SHROOM2: variants seen among roughly 807,000 people sequenced by gnomAD.
The protein encoded by SHROOM2 is shroom family member 2.
SHROOM2 carries 33 observed loss-of-function variants against 75.9 expected under a neutral mutation model. The ratio of observed to expected loss-of-function variants is 0.43; its 90% CI spans 0.33 to 0.58. SHROOM2 has a LOEUF of 0.58. SHROOM2 is among the 20% of genes least tolerant of loss of function. The probability of loss-of-function intolerance (pLI) is 0.04; values close to 1 mark genes in which losing one functional copy is unlikely to be tolerated. For synonymous variants in SHROOM2, 655 were observed against 663.6 expected (o/e 0.99, Z 0.20); for missense variants, 1,434 against 1,461.2 (o/e 0.98, Z 0.30).
intron 1 of SHROOM2, among the ~76,000 whole-genome samples, chrX:9,788,242 A>G (rs1569131518): frequency 9.3e-6 from 1 of 107,812 alleles, no homozygotes; most frequent in Non-Finnish European, 1.9e-5. Flanking sequence ...AAGCTACTGA[A>G]AAGTCACTGG....
chrX:9,867,031 G>A (rs948184386), intron 1 of SHROOM2, among the ~76,000 whole-genome samples: 2 of 110,629 alleles, frequency 1.8e-5, no homozygotes, highest in South Asian at 4.0e-4. Flanking sequence ...TCTTTTCAGC[G>A]TGAGCCTGCT....
At chrX:9,828,349 A>G (rs1471683182) in intron 1 of SHROOM2, among the ~76,000 whole-genome samples, 1 of 112,342 alleles carries the variant, frequency 8.9e-6, no homozygotes. Context: ...GAACCATATC[A>G]AGGGCCTTCT....
intron 1 of SHROOM2, among the ~76,000 whole-genome samples, chrX:9,794,431 G>A (rs2083683755): frequency 9.0e-6 from 1 of 111,023 alleles, no homozygotes; most frequent in Admixed American, 9.6e-5. Context: ...GTGCAATGGC[G>A]AGATCTCGGC....
At chrX:9,889,742 T>C (rs767409770) in intron 2 of SHROOM2, among the ~76,000 whole-genome samples, 3 of 111,939 alleles carry the variant, frequency 2.7e-5, no homozygotes, top group African/African-American at 6.5e-5. Context: ...CATGACTCCC[T>C]GGGGGGATCT....
intron 2 of SHROOM2, among the ~76,000 whole-genome samples, chrX:9,884,368 C>CTTCTTT (rs1372366663): frequency 1.9e-3 from 121 of 62,153 alleles, no homozygotes; most frequent in African/African-American, 3.9e-3. Context: ...TTTTTCTTTT[C>CTTCTTT]TTTTTTTTTT....
chrX:9,829,849 T>G (rs781370257), intron 1 of SHROOM2, among the ~76,000 whole-genome samples: 2 of 112,235 alleles, frequency 1.8e-5, no homozygotes, highest in Non-Finnish European at 3.8e-5. Context: ...TCATGCATGC[T>G]TTCAGGATGA....
Position 9,870,437 on chromosome X carries a change from A to G in SHROOM2, c.166-3215A>G, listed in dbSNP as rs528265905. ...TCCAGACTCATTAAAGGTATAAATT[A>G]AATTCTGAGTTTTACACCATGTTTC... On this transcript the variant is annotated intron_variant, in intron 1 of 9. Coordinates refer to ENST00000380913, the MANE Select transcript of SHROOM2 (RefSeq NM_001649.4). Among the ~76,000 whole-genome samples the G allele has an allele frequency of 5.3e-5, 6 of 112,525 alleles. No homozygotes were observed. In the South Asian group the frequency reaches 2.2e-3, roughly 41 times the overall value.
chrX:9,906,638 A>G (rs2084392747), intron 5 of SHROOM2, among the ~76,000 whole-genome samples: 1 of 111,652 alleles, frequency 9.0e-6, no homozygotes, highest in African/African-American at 3.3e-5. Flanking sequence ...CTACTAAAAT[A>G]TTAGCCAGGT....
intron 1 of SHROOM2, among the ~76,000 whole-genome samples, chrX:9,812,266 T>C (rs1040298698): frequency 8.9e-6 from 1 of 111,767 alleles, no homozygotes; most frequent in African/African-American, 3.3e-5. Context: ...CAGGCACCAT[T>C]GGATCATACG....
chrX:9,818,318 T>TA (rs2083833941), intron 1 of SHROOM2: 2 of 237,784 alleles, frequency 8.4e-6, no homozygotes, highest in South Asian at 1.3e-4. Context: ...AGTCTTCTAA[T>TA]ACACCACCTC....
At chrX:9,936,142 G>A (rs1420166653) in intron 6 of SHROOM2, among the ~76,000 whole-genome samples, 1 of 109,404 alleles carries the variant, frequency 9.1e-6, no homozygotes, top group Non-Finnish European at 1.9e-5. Context: ...CTGTTGCCCA[G>A]GCTAGAGTGC....
intron 1 of SHROOM2, among the ~76,000 whole-genome samples, chrX:9,809,697 C>T (rs777271477): frequency 8.9e-6 from 1 of 112,605 alleles, no homozygotes; most frequent in Non-Finnish European, 1.9e-5. Flanking sequence ...GAGACAGAGT[C>T]TCGCTCTGTT....
intron 1 of SHROOM2, among the ~76,000 whole-genome samples, chrX:9,835,674 C>T (rs1339856616): frequency 1.8e-5 from 2 of 110,917 alleles, no homozygotes; most frequent in East Asian, 5.6e-4. Flanking sequence ...TAGGGGGGTA[C>T]TGGGTGCAGA....
chrX:9,943,263 A>G (rs2084787997), intron 8 of SHROOM2, among the ~76,000 whole-genome samples: 1 of 110,752 alleles, frequency 9.0e-6, no homozygotes, highest in African/African-American at 3.3e-5. Context: ...AAATGCATCC[A>G]TGTGAGGGAA....
intron 1 of SHROOM2, among the ~76,000 whole-genome samples, chrX:9,811,294 CA>C (rs750106313): frequency 1.7e-3 from 187 of 111,925 alleles, no homozygotes; most frequent in African/African-American, 5.9e-3. Flanking sequence ...TTGCTGAGTC[CA>C]TGTGTAACCT....
intron 2 of SHROOM2, among the ~76,000 whole-genome samples, chrX:9,890,672 G>A (rs1193549136): frequency 7.2e-5 from 8 of 111,704 alleles, no homozygotes; most frequent in African/African-American, 1.3e-4. Flanking sequence ...GCACGAGCAC[G>A]CGTGCGCTGC....
chrX:9,830,632 A>C (rs1427992684), intron 1 of SHROOM2, among the ~76,000 whole-genome samples: 17 of 67,591 alleles, frequency 2.5e-4, no homozygotes, highest in African/African-American at 9.5e-4. Context: ...ACAGAGTTTC[A>C]CTCTAGTTGC....
intron 1 of SHROOM2, among the ~76,000 whole-genome samples, chrX:9,787,364 A>C (rs1288983601): frequency 8.9e-6 from 1 of 112,043 alleles, no homozygotes; most frequent in Admixed American, 9.5e-5. Flanking sequence ...GGTTTGCTTT[A>C]GAACATTGAA....
intron 1 of SHROOM2, among the ~76,000 whole-genome samples, chrX:9,823,164 TTTCTTC>T (rs201275795): frequency 1.7e-4 from 6 of 35,690 alleles, no homozygotes; most frequent in Admixed American, 4.8e-4. Context: ...TTCTTCTTCT[TTTCTTC>T]TTCTTCTTCT....
Sources: allele counts gnomAD v4.1 joint callset (sites outside exome capture counted in the v4.1 genomes callset), GRCh38; gene constraint gnomAD v4.1.1; transcripts MANE v1.5; gene names NCBI Gene and HGNC (gene_info 2026-07-23, HGNC 2026-07-21).